The following AK7 variants were observed in gnomAD, a reference collection of about 807,000 sequenced individuals.
The protein encoded by AK7 is adenylate kinase 7.
AK7 carries 78 observed loss-of-function variants against 96.6 expected under a neutral mutation model. The ratio of observed to expected loss-of-function variants is 0.81; its 90% CI spans 0.67 to 0.97. The LOEUF is 0.97. AK7 is among the 50% of genes least tolerant of loss of function. The pLI is 0.00. For synonymous variants in AK7, 302 were observed against 317.2 expected (o/e 0.95, Z 0.51); for missense variants, 855 against 887.9 (o/e 0.96, Z 0.47).
intron 7 of AK7, among the ~76,000 whole-genome samples, chr14:96,443,466 G>A (rs368652045): frequency 1.3e-5 from 2 of 152,060 alleles, no homozygotes; most frequent in East Asian, 1.9e-4. Context: ...CTGAGGTTCT[G>A]GTTTTCAGAT....
At chr14:96,416,856 C>T (rs1049498226) in intron 4 of AK7, among the ~76,000 whole-genome samples, 2 of 152,244 alleles carry the variant, frequency 1.3e-5, no homozygotes, top group African/African-American at 4.8e-5. Context: ...CAAGGAATGA[C>T]AGCTCAGAAC....
chr14:96,442,722 C>T lies in AK7; in HGVS notation c.691-8C>T. The T allele has an allele frequency of 1.2e-6, 2 of 1,613,412 alleles. No individual in the cohort carries two copies. The highest frequency in any genetic ancestry group is 1.7e-6 in the Non-Finnish European group (2 of 1,179,320). On this transcript the variant is annotated splice_region_variant and splice_polypyrimidine_tract_variant and intron_variant, in intron 6 of 17. Transcript: ENST00000267584. ...TGGGGGACATGATTTTGCTTTTCTT[C>T]CTTTCAGATGGCTTGGTTGGGCGAG... is the stretch of plus-strand genomic sequence containing the variant.
At chr14:96,392,441 C>G (rs541133739) in intron 1 of AK7, among the ~76,000 whole-genome samples, 182 bp downstream of exon 1, 1 of 152,200 alleles carries the variant, frequency 6.6e-6, no homozygotes, top group Non-Finnish European at 1.5e-5. Flanking sequence ...CCAGGCTGGT[C>G]AAGAGATTCT....
At chr14:96,461,240 A>T (rs933926808) in intron 12 of AK7, among the ~76,000 whole-genome samples, 6 of 152,162 alleles carry the variant, frequency 3.9e-5, no homozygotes, top group Non-Finnish European at 7.3e-5. Flanking sequence ...AGGTGGGAAG[A>T]TTGCTTGAGG....
intron 2 of AK7, among the ~76,000 whole-genome samples, chr14:96,400,229 A>G (rs1022462797): frequency 6.6e-6 from 1 of 151,880 alleles, no homozygotes; most frequent in Non-Finnish European, 1.5e-5. Context: ...TAGTGGATAC[A>G]TGGTTTCACT....
intron 12 of AK7, among the ~76,000 whole-genome samples, chr14:96,466,932 TAA>T (rs1192027464): frequency 2.0e-5 from 3 of 151,330 alleles, no homozygotes; most frequent in African/African-American, 7.3e-5. Flanking sequence ...ATAATGAACC[TAA>T]AGTCTCGGGC....
At chr14:96,398,430 C>A (rs146556378) in intron 2 of AK7, 167 bp downstream of exon 2, 5 of 682,900 alleles carry the variant, frequency 7.3e-6, no homozygotes, top group African/African-American at 3.6e-5. Flanking sequence ...CCTCACAGAC[C>A]CCACTTTTAA....
Position 96,442,827 on chromosome 14 carries a change from TC to T in AK7, c.779+10del, listed in dbSNP as rs1226816638. 4 of 1,611,462 alleles carry T rather than the reference TC, an allele frequency of 2.5e-6. No homozygotes were observed. In the African/African-American group the frequency reaches 4.0e-5, roughly 16 times the overall value. On this transcript the variant is annotated intron_variant, in intron 7 of 17. Transcript: ENST00000267584. Reference sequence around the variant, plus strand: ...GTTCTTGATCTAGCAGGGTAAGCATTCGCCCAGAGACGTGACCTTCACAGAA... The same window carrying T: ...GTTCTTGATCTAGCAGGGTAAGCATTGCCCAGAGACGTGACCTTCACAGAA...
intron 4 of AK7, among the ~76,000 whole-genome samples, chr14:96,414,861 T>A (rs532298530): frequency 8.6e-5 from 13 of 150,386 alleles, no homozygotes; most frequent in African/African-American, 3.2e-4. Flanking sequence ...CAAGTGATTC[T>A]CTGGCCTTAG....
chr14:96,488,230 T>C, intron 17 of AK7, 75 bp from the exon 18 acceptor site: 1 of 1,426,878 alleles, frequency 7.0e-7, no homozygotes, highest in Non-Finnish European at 9.8e-7. Flanking sequence ...ATTTTTAAAT[T>C]GTAAACATTA....
At chr14:96,481,410 AATC>A (rs1895495019) in intron 15 of AK7, among the ~76,000 whole-genome samples, 1 of 152,100 alleles carries the variant, frequency 6.6e-6, no homozygotes, top group South Asian at 2.1e-4. Context: ...GCAGTGGCGC[AATC>A]TTGGCTCACT....
rs115457371 is a variant in AK7 at position 96,478,652 on chromosome 14, G to T, written c.1743G>T (p.Pro581=). ...ATTTTGATGAACTTGAAATTCACCCGATACATATTGGTATGAAATGAATTC... is the reference window on the plus strand; with the variant it reads ...ATTTTGATGAACTTGAAATTCACCCTATACATATTGGTATGAAATGAATTC... ...FNYFDELEIH[P]IHIDVGKLED... The change falls in exon 15 of 18, where the codon CCG becomes CCT. Residue 581 remains proline, a synonymous_variant. Transcript: ENST00000267584. 6 of 1,613,678 alleles carry T rather than the reference G, an allele frequency of 3.7e-6. No individual in the cohort carries two copies. In the South Asian group the frequency reaches 6.6e-5, roughly 18 times the overall value.
chr14:96,448,573 T>TGAGCTATAATTGCACCACTGCACTGCAGC, intron 8 of AK7, among the ~76,000 whole-genome samples: 1 of 138,834 alleles, frequency 7.2e-6, no homozygotes, highest in Admixed American at 8.4e-5. Flanking sequence ...AAGGCTGCAG[T>TGAGCTATAATTGCACCACTGCACTGCAGC]GAGCTATAAT....
rs1566768486 is a variant in AK7, at chr14:96,415,755, T to TTTAATACATTAATTAATTAAATTAAA, written c.499-5042_499-5041insATTAATACATTAATTAATTAAATTAA. Among the ~76,000 whole-genome samples, 80 of 145,402 alleles carry TTTAATACATTAATTAATTAAATTAAA rather than the reference T, an allele frequency of 5.5e-4. 2 individuals are homozygous for TTTAATACATTAATTAATTAAATTAAA. The East Asian group carries it at 0.011, about 20-fold the overall frequency. On this transcript the variant is annotated intron_variant, in intron 4 of 17. Transcript: ENST00000267584. ...TTAATACATTAATTAAATTAATTAA[T>TTTAATACATTAATTAATTAAATTAAA]TTAATACATTAATTAATTAAATTAA...
At chr14:96,434,628 C>T (rs989348450) in intron 5 of AK7, among the ~76,000 whole-genome samples, 4 of 152,092 alleles carry the variant, frequency 2.6e-5, no homozygotes, top group African/African-American at 7.2e-5. Context: ...TCTGGGGCTC[C>T]ACAATCAGCA....
chr14:96,465,187 T>C (rs1314260372), intron 12 of AK7, among the ~76,000 whole-genome samples: 1 of 152,036 alleles, frequency 6.6e-6, no homozygotes, highest in Non-Finnish European at 1.5e-5. Flanking sequence ...TAAGAACGGG[T>C]GCCGTGGCTC....
chr14:96,407,522 C>T (rs1363177656), intron 3 of AK7, among the ~76,000 whole-genome samples: 1 of 151,684 alleles, frequency 6.6e-6, no homozygotes, highest in African/African-American at 2.4e-5. Context: ...TACTTAGCCC[C>T]TCTGACAGTT....
chr14:96,413,803 T>C (rs1891175633), intron 4 of AK7, among the ~76,000 whole-genome samples: 1 of 152,228 alleles, frequency 6.6e-6, no homozygotes, highest in East Asian at 1.9e-4. Context: ...TATTAGATTG[T>C]TGTAAATGCT....
chr14:96,471,506 A>T lies in AK7; in HGVS notation c.1386A>T (p.Arg462Ser), dbSNP rs1894885868. 1 of 1,514,032 alleles carries T rather than the reference A, an allele frequency of 6.6e-7. No homozygotes were observed. Among genetic ancestry groups the T allele is most frequent in the Non-Finnish European group, 9.1e-7 (1 of 1,101,270 alleles). 93.8% of individuals were successfully genotyped at this position (1,514,032 alleles called of 1,614,324 possible). The change falls in exon 13 of 18, where the codon AGA (arginine) becomes AGT (serine). Residue 462 changes from arginine to serine, a missense_variant. Physicochemically the swap from Arg to Ser is moderately radical, Grantham distance 110 (BLOSUM62 -1). Transcript: ENST00000267584. Reference protein sequence around the residue: ...AGQLDDQYIIRFMKEKLKSMP... With the variant: ...AGQLDDQYIISFMKEKLKSMP... ...AACTAGACGATCAATATATAATTAG[A>T]TTTATGAAAGAAAAGCTAAAATCAA...
Sources: gnomAD v4.1 joint callset for allele counts (sites outside exome capture counted in the v4.1 genomes callset) on GRCh38, gnomAD v4.1.1 for gene constraint, MANE v1.5 for transcripts, NCBI Gene and HGNC (gene_info 2026-07-23, HGNC 2026-07-21) for gene names.